CHD7: variants seen among roughly 807,000 people sequenced by gnomAD.
The protein encoded by CHD7 is chromodomain helicase DNA binding protein 7.
CHD7 carries 24 observed loss-of-function variants against 307.3 expected under a neutral mutation model. The observed-to-expected ratio is 0.08, with a 90% CI of 0.06 to 0.11. The LOEUF (loss-of-function observed/expected upper bound fraction) is 0.11. CHD7 is among the 10% of genes least tolerant of loss of function. CHD7 has a pLI of 1.00. For synonymous variants in CHD7, 1,363 were observed against 1,349.9 expected (o/e 1.01, Z -0.21); for missense variants, 3,106 against 3,727.1 (o/e 0.83, Z 4.34).
chr8:60,811,572 C>G (rs1050564709), intron 7 of CHD7, among the ~76,000 whole-genome samples: 3 of 152,158 alleles, frequency 2.0e-5, no homozygotes, highest in African/African-American at 7.2e-5. Context: ...AACCAGCCTC[C>G]TGTGTATGTG....
chr8:60,714,335 C>T (rs925893536), intron 1 of CHD7, among the ~76,000 whole-genome samples: 9 of 137,380 alleles, frequency 6.6e-5, no homozygotes, highest in Non-Finnish European at 1.1e-4. Context: ...GGCTCGGGGC[C>T]GGAGCTGCGG....
Position 60,801,781 on chromosome 8 carries a change from T to C in CHD7, c.2442+188T>C, listed in dbSNP as rs150955293. 4.8e-4 allele frequency among the ~76,000 whole-genome samples: 73 copies of C among 152,322 alleles called. 1 individual carries two copies. In the East Asian group the frequency reaches 0.012, roughly 24 times the overall value. On this transcript the variant is annotated intron_variant, in intron 6 of 37. Transcript: ENST00000423902. ...TTTGACCCCAGATGAAATTAAAATA[T>C]ATCAAGCAGTCAGTGCTTTATTACA... is the stretch of plus-strand genomic sequence containing the variant.
chr8:60,742,324 A>G lies in CHD7; in HGVS notation c.892A>G (p.Thr298Ala), dbSNP rs886063033. 8 of 1,613,974 alleles carry G rather than the reference A, an allele frequency of 5.0e-6. No homozygotes were observed. Among genetic ancestry groups the G allele is most frequent in the Middle Eastern group, 1.6e-4 (1 of 6,062 alleles). Residue 298 changes from threonine to alanine, a missense_variant, in exon 2 of 38, where the codon ACA (threonine) becomes GCA (alanine). By Grantham distance (58) the Thr-to-Ala change is moderately conservative (BLOSUM62 0). Transcript: ENST00000423902. ...QTLNFSSRSQ[T>A]VPSPTINNSG... is the part of the protein sequence containing the mutation. ...CCTTAACTTTAGTTCTCGGAGCCAGACAGTCCCCTCTCCTACTATAAACAA... is the reference window on the plus strand; with the variant it reads ...CCTTAACTTTAGTTCTCGGAGCCAGGCAGTCCCCTCTCCTACTATAAACAA...
chr8:60,846,090 G>A (rs1366031393), intron 23 of CHD7, among the ~76,000 whole-genome samples: 1 of 152,126 alleles, frequency 6.6e-6, no homozygotes, highest in Non-Finnish European at 1.5e-5. Flanking sequence ...GCCACGTTTT[G>A]TTTGTCCCAG....
intron 7 of CHD7, among the ~76,000 whole-genome samples, chr8:60,810,789 G>A (rs544213861): frequency 2.6e-5 from 4 of 152,106 alleles, no homozygotes; most frequent in Non-Finnish European, 4.4e-5. Flanking sequence ...TACCCCACCA[G>A]TGTGGTTTGT....
intron 13 of CHD7, 147 bp downstream of exon 13, chr8:60,824,163 C>A: frequency 1.4e-6 from 1 of 714,582 alleles, no homozygotes; most frequent in South Asian, 2.1e-5. Flanking sequence ...TTCAGTTATT[C>A]AAAAGTTGTT....
chr8:60,693,537 A>G (rs1159292427), intron 1 of CHD7, among the ~76,000 whole-genome samples: 1 of 152,116 alleles, frequency 6.6e-6, no homozygotes, highest in Non-Finnish European at 1.5e-5. Flanking sequence ...GGGCAGGGCA[A>G]GGTTGCCCTG....
chr8:60,690,646 T>C (rs1417783425), intron 1 of CHD7, among the ~76,000 whole-genome samples: 1 of 152,146 alleles, frequency 6.6e-6, no homozygotes. Flanking sequence ...AAGGACACAA[T>C]TCAAGGACAT....
intron 15 of CHD7, 53 bp downstream of exon 15, chr8:60,830,630 A>G: frequency 6.3e-7 from 1 of 1,588,184 alleles, no homozygotes. Context: ...AGCACCAGAA[A>G]TCCCTTTCTG....
chr8:60,820,086 G>A lies in CHD7; in HGVS notation c.2693G>A (p.Gly898Glu). 1 of 1,601,502 alleles carries A rather than the reference G, an allele frequency of 6.2e-7. No individual in the cohort carries two copies. Among genetic ancestry groups the A allele is most frequent in the Non-Finnish European group, 8.5e-7 (1 of 1,171,078 alleles). Reference sequence around the variant, plus strand: ...TTTGCACGTAGCACAGATGACCGGGGAGAGGTAACAGGAGATCATTTGTAT... The same window carrying A: ...TTTGCACGTAGCACAGATGACCGGGAAGAGGTAACAGGAGATCATTTGTAT... ...MDFARSTDDR[G>E]EPVTHYLVKW... is the part of the protein sequence containing the mutation. Residue 898 changes from glycine (G) to glutamate (E), a missense_variant, in exon 9 of 38, where the codon GGA becomes GAA. Coordinates refer to ENST00000423902, the MANE Select transcript of CHD7 (RefSeq NM_017780.4).
At chr8:60,815,337 A>G (rs754331239) in intron 7 of CHD7, among the ~76,000 whole-genome samples, 3 of 152,148 alleles carry the variant, frequency 2.0e-5, no homozygotes, top group Non-Finnish European at 2.9e-5. Context: ...GAACTAAAGC[A>G]CAATTTCTAA....
At chr8:60,764,929 G>T (rs956090823) in intron 2 of CHD7, among the ~76,000 whole-genome samples, 1 of 152,188 alleles carries the variant, frequency 6.6e-6, no homozygotes, top group Non-Finnish European at 1.5e-5. Context: ...TTCAAAATGT[G>T]CTTTCATTTA....
In CHD7 at chr8:60,822,736, A is replaced by G. The variant is rs771941657; in HGVS notation, c.3191A>G (p.Lys1064Arg). Reference protein sequence around the residue: ...RTIQLYEMYFKDPQGRVIKGS... With the variant: ...RTIQLYEMYFRDPQGRVIKGS... ...ATTCAGTTGTATGAAATGTACTTCA[A>G]AGATCCCCAGGTAAACCTTCACAGG... is the stretch of plus-strand genomic sequence containing the variant. Residue 1064 changes from lysine (K) to arginine (R), a missense_variant, in exon 12 of 38, where the codon AAA becomes AGA. Lys to Arg is a conservative substitution (Grantham distance 26). This residue lies in a region of CHD7 where 232 missense variants were observed against 422.5 expected (regional missense o/e 0.55). Coordinates refer to ENST00000423902, the MANE Select transcript of CHD7 (RefSeq NM_017780.4). 2.6e-5 allele frequency: 42 copies of G among 1,606,540 alleles called. No individual in the cohort carries two copies. Among genetic ancestry groups the G allele is most frequent in the Middle Eastern group, 1.7e-4 (1 of 6,046 alleles).
intron 1 of CHD7, among the ~76,000 whole-genome samples, chr8:60,688,304 C>T (rs1205950631): frequency 6.7e-6 from 1 of 148,748 alleles, no homozygotes; most frequent in African/African-American, 2.5e-5. Context: ...TGAGGCACTC[C>T]AGCTAACATA....
intron 1 of CHD7, among the ~76,000 whole-genome samples, chr8:60,709,795 A>G (rs1297851917): frequency 6.6e-6 from 1 of 152,300 alleles, no homozygotes; most frequent in Admixed American, 6.5e-5. Flanking sequence ...TTTAAATACA[A>G]TTTTCAAAAC....
intron 1 of CHD7, among the ~76,000 whole-genome samples, chr8:60,720,674 G>A (rs577313431): frequency 3.3e-5 from 5 of 152,302 alleles, no homozygotes; most frequent in South Asian, 2.1e-4. Flanking sequence ...AGGCTAAGAC[G>A]GCTGTCTCTG....
intron 1 of CHD7, among the ~76,000 whole-genome samples, chr8:60,721,152 T>C (rs1807882687): frequency 6.6e-6 from 1 of 152,118 alleles, no homozygotes; most frequent in African/African-American, 2.4e-5. Context: ...CCCAAACTCA[T>C]ATGTTGAAGC....
At position 60,794,996 on chromosome 8, in the gene CHD7, C is replaced by G; in HGVS notation, c.2107C>G (p.Pro703Ala). The G allele has an allele frequency of 6.2e-7, 1 of 1,612,798 alleles. No individual in the cohort carries two copies. Among genetic ancestry groups the G allele is most frequent in the Non-Finnish European group, 8.5e-7 (1 of 1,179,506 alleles). Residue 703 changes from proline (P) to alanine (A), a missense_variant, in exon 4 of 38, where the codon CCT becomes GCT. This residue lies in a region of CHD7 where 998 missense variants were observed against 1,004.5 expected (regional missense o/e 0.99). Coordinates refer to ENST00000423902, the MANE Select transcript of CHD7 (RefSeq NM_017780.4). ...CACTTTGAATTCTAGTAATAAGAAA[C>G]CTGACTCAGAAGCAAGTGCTTTGAA... is the stretch of plus-strand genomic sequence containing the variant. ...KSSKKSSNKK[P>A]DSEASALKKK...
chr8:60,849,239 A>G (rs1266714317), intron 25 of CHD7, 85 bp downstream of exon 25: 5 of 821,630 alleles, frequency 6.1e-6, no homozygotes, highest in Admixed American at 2.3e-5. Flanking sequence ...TTCCAAAGTC[A>G]TAATATTAAT....
Sources: allele counts gnomAD v4.1 joint callset (sites outside exome capture counted in the v4.1 genomes callset), GRCh38; gene constraint gnomAD v4.1.1; regional missense constraint gnomAD v4.1.1; transcripts MANE v1.5; gene names NCBI Gene and HGNC (gene_info 2026-07-23, HGNC 2026-07-21).